The following CEP128 variants were observed in gnomAD, a reference collection of about 807,000 sequenced individuals.
CEP128 encodes centrosomal protein 128kDa.
CEP128 carries 132 observed loss-of-function variants against 156.7 expected under a neutral mutation model. The observed-to-expected ratio is 0.84, with a 90% CI of 0.73 to 0.97. CEP128 has a LOEUF of 0.97. CEP128 is among the 50% of genes least tolerant of loss of function. CEP128 has a pLI of 0.00. For synonymous variants in CEP128, 469 were observed against 448.9 expected (o/e 1.04, Z -0.57); for missense variants, 1,252 against 1,281.9 (o/e 0.98, Z 0.36).
intron 2 of CEP128, among the ~76,000 whole-genome samples, chr14:80,925,744 A>AAAG (rs1885108337): frequency 6.6e-6 from 1 of 152,186 alleles, no homozygotes; most frequent in Non-Finnish European, 1.5e-5. Flanking sequence ...AAGAAACCAC[A>AAAG]AACCCTTTGA....
chr14:80,911,261 G>T (rs1884198278), intron 4 of CEP128, among the ~76,000 whole-genome samples: 1 of 152,224 alleles, frequency 6.6e-6, no homozygotes, highest in African/African-American at 2.4e-5. Context: ...CACTTTGGGA[G>T]GCCAAGGCGG....
intron 16 of CEP128, 89 bp downstream of exon 16, chr14:80,777,793 A>AATT (rs1181624770): frequency 1.9e-6 from 2 of 1,057,984 alleles, no homozygotes; most frequent in African/African-American, 1.6e-5. Context: ...GAAGGACTAC[A>AATT]ATTATCATTT....
intron 19 of CEP128, among the ~76,000 whole-genome samples, chr14:80,686,688 T>G (rs1456024130): frequency 6.6e-6 from 1 of 152,130 alleles, no homozygotes; most frequent in Non-Finnish European, 1.5e-5. Context: ...ACCCATCTCA[T>G]ATGCAAAGAC....
chr14:80,622,621 T>A (rs1362651716), intron 19 of CEP128, among the ~76,000 whole-genome samples: 8 of 149,800 alleles, frequency 5.3e-5, no homozygotes, highest in African/African-American at 7.4e-5. Flanking sequence ...AGAAAAAAAC[T>A]AACAACCCCA....
chr14:80,801,348 A>G (rs985483363), intron 13 of CEP128, among the ~76,000 whole-genome samples: 1 of 151,810 alleles, frequency 6.6e-6, no homozygotes, highest in Non-Finnish European at 1.5e-5. Flanking sequence ...GCTTTTGCCC[A>G]TTCAATATGA....
At chr14:80,825,354 C>T (rs1406610606) in intron 13 of CEP128, among the ~76,000 whole-genome samples, 1 of 152,236 alleles carries the variant, frequency 6.6e-6, no homozygotes, top group Non-Finnish European at 1.5e-5. Context: ...GGCAATCCTC[C>T]AGCCTTAGCC....
intron 19 of CEP128, among the ~76,000 whole-genome samples, chr14:80,633,303 T>C (rs1049217944): frequency 6.6e-6 from 1 of 152,154 alleles, no homozygotes; most frequent in African/African-American, 2.4e-5. Flanking sequence ...AGAGAGATAA[T>C]ATACATTGGC....
chr14:80,920,257 G>C (rs775967404), intron 2 of CEP128, among the ~76,000 whole-genome samples: 6 of 152,042 alleles, frequency 3.9e-5, no homozygotes, highest in South Asian at 2.1e-4. Context: ...AAGAATCTCC[G>C]ATCTATCATC....
Position 80,889,738 on chromosome 14 carries a change from A to G in CEP128, c.645+5980T>C, listed in dbSNP as rs541950118. 3.3e-5 allele frequency among the ~76,000 whole-genome samples: 5 copies of G among 152,320 alleles called. No individual in the cohort carries two copies. The East Asian group carries it at 5.8e-4, about 18-fold the overall frequency. On this transcript the variant is annotated intron_variant, in intron 8 of 24. Coordinates refer to ENST00000555265, the MANE Select transcript of CEP128 (RefSeq NM_152446.5). ...TGGGTAAAGACTTCATGACTAAAAC[A>G]CCAAAAGCAATGGCAACAAAAGCCA... is the stretch of plus-strand genomic sequence containing the variant.
In CEP128 at chr14:80,761,563, G is replaced by A. The variant is rs749089110; in HGVS notation, c.2427C>T (p.Ala809=). 6.2e-7 allele frequency: 1 copy of A among 1,612,076 alleles called. No individual in the cohort carries two copies. Among genetic ancestry groups the A allele is most frequent in the Admixed American group, 1.7e-5 (1 of 59,988 alleles). Residue 809 remains alanine, a synonymous_variant, in exon 17 of 25, where the codon GCC becomes GCT. Coordinates refer to ENST00000555265, the MANE Select transcript of CEP128 (RefSeq NM_152446.5). ...EEEHLRRMEE[A]RLQLKDQLLC... is the part of the protein sequence containing the mutation. ...GAAGTTGATCCTTGAGCTGCAATCT[G>A]GCCTCTTCCATCCTCCTTAAGTGCT...
intron 15 of CEP128, among the ~76,000 whole-genome samples, chr14:80,782,020 T>C (rs897412290): frequency 3.9e-5 from 6 of 152,150 alleles, no homozygotes; most frequent in Non-Finnish European, 8.8e-5. Context: ...AACAAACCAT[T>C]TCTCTATGCC....
At chr14:80,779,850 A>G (rs1412310879) in intron 15 of CEP128, among the ~76,000 whole-genome samples, 1 of 152,218 alleles carries the variant, frequency 6.6e-6, no homozygotes, top group Non-Finnish European at 1.5e-5. Flanking sequence ...TTTGTGCACA[A>G]CAACCCAGTG....
intron 19 of CEP128, among the ~76,000 whole-genome samples, chr14:80,586,245 G>A (rs906327032): frequency 6.6e-6 from 1 of 152,200 alleles, no homozygotes; most frequent in African/African-American, 2.4e-5. Flanking sequence ...GAGGGCCTGG[G>A]GGCCAGCCCA....
intron 19 of CEP128, among the ~76,000 whole-genome samples, chr14:80,660,136 T>G (rs76440536): frequency 0.043 from 6,508 of 152,206 alleles, 453 homozygotes; most frequent in African/African-American, 0.15. Context: ...TAAGTTTATT[T>G]TATCCCCTCT....
chr14:80,674,189 T>C (rs1156621315), intron 19 of CEP128, among the ~76,000 whole-genome samples: 2 of 152,136 alleles, frequency 1.3e-5, no homozygotes, highest in African/African-American at 4.8e-5. Context: ...ATCAATTATG[T>C]GATCTCTGAA....
At chr14:80,873,723 C>G (rs1382361525) in intron 8 of CEP128, among the ~76,000 whole-genome samples, 1 of 152,032 alleles carries the variant, frequency 6.6e-6, no homozygotes, top group African/African-American at 2.4e-5. Context: ...TTGTAACTCC[C>G]ACAATTCCCA....
intron 13 of CEP128, among the ~76,000 whole-genome samples, chr14:80,805,129 CT>C (rs2139910510): frequency 6.6e-6 from 1 of 151,850 alleles, no homozygotes; most frequent in South Asian, 2.1e-4. Context: ...TGGGATAAAC[CT>C]CAAGGTTTAT....
chr14:80,675,316 C>T (rs973336062), intron 19 of CEP128, among the ~76,000 whole-genome samples: 5 of 151,944 alleles, frequency 3.3e-5, no homozygotes, highest in Non-Finnish European at 5.9e-5. Context: ...TGGGTAAAAA[C>T]GTAAAAGTAG....
intron 11 of CEP128, among the ~76,000 whole-genome samples, chr14:80,837,265 T>C (rs1056606916): frequency 6.6e-6 from 1 of 152,224 alleles, no homozygotes. Flanking sequence ...CAGAAGAAAG[T>C]ATAATTGCAG....
Sources: allele counts gnomAD v4.1 joint callset (sites outside exome capture counted in the v4.1 genomes callset), GRCh38; gene constraint gnomAD v4.1.1; transcripts MANE v1.5; gene names NCBI Gene and HGNC (gene_info 2026-07-23, HGNC 2026-07-21).